The following GRIP1 variants were observed in gnomAD, a reference collection of about 807,000 sequenced individuals.
GRIP1 encodes the protein glutamate receptor interacting protein 1.
A neutral mutation model predicts 129.9 loss-of-function variants in GRIP1; 45 were observed. The ratio of observed to expected loss-of-function variants is 0.35; its 90% confidence interval spans 0.27 to 0.44. The LOEUF is 0.44. GRIP1 is among the 20% of genes least tolerant of loss of function. GRIP1 has a pLI of 1.00. For missense variants in GRIP1, 1,196 were observed against 1,396.8 expected, an observed-to-expected ratio of 0.86 and a Z score of 2.29; for synonymous variants, 530 against 520.8, an observed-to-expected ratio of 1.02 and a Z score of -0.24.
rs536985249 is a variant in GRIP1 at position 66,938,730 on chromosome 12, G to A, written c.58+130320C>T. Among the ~76,000 whole-genome samples, 11 of 151,832 alleles carry A rather than the reference G, an allele frequency of 7.2e-5. No individual in the cohort carries two copies. In the East Asian group the frequency reaches 9.8e-4, roughly 14 times the overall value. ...TCCCAGCACTTTGGGAGGCCAAGGC[G>A]GGCAGATCACCAGGTCAGGAGATCA... is the stretch of plus-strand genomic sequence containing the variant. On this transcript the variant is annotated intron_variant, in intron 1 of 1. Coordinates refer to the GRIP1 transcript ENST00000643019.
In GRIP1 at chr12:66,444,727, C is replaced by T; in HGVS notation, c.1544G>A (p.Cys515Tyr). The T allele has an allele frequency of 6.2e-7, 1 of 1,614,050 alleles. No homozygotes were observed. The highest frequency in any genetic ancestry group is 8.5e-7 in the Non-Finnish European group (1 of 1,179,926). Residue 515 changes from cysteine to tyrosine, a missense_variant and splice_region_variant, in exon 13 of 25, where the codon TGT becomes TAT. Transcript: ENST00000359742. The stretch of plus-strand genomic sequence containing the variant: ...TCTGTCTCCAATCTGTAGCACCCCA[C>T]ATCTAATTTAGAACCACATGTGAGA... ...YIEADSPAER[C>Y]GVLQIGDRVM... is the part of the protein sequence containing the mutation.
intron 1 of GRIP1, among the ~76,000 whole-genome samples, chr12:66,800,637 T>A (rs1163463299): frequency 6.6e-6 from 1 of 152,106 alleles, no homozygotes; most frequent in Non-Finnish European, 1.5e-5. Flanking sequence ...AATTAACATA[T>A]GACCTGCCAG....
intron 1 of GRIP1, among the ~76,000 whole-genome samples, chr12:67,052,947 T>G (rs58506035): frequency 6.6e-6 from 1 of 152,292 alleles, no homozygotes; most frequent in East Asian, 1.9e-4. Flanking sequence ...ATTCAGATTC[T>G]TAAAGCCCAA....
intron 3 of GRIP1, among the ~76,000 whole-genome samples, chr12:66,540,443 A>G (rs1277083251): frequency 3.3e-5 from 5 of 152,148 alleles, no homozygotes; most frequent in Admixed American, 3.3e-4. Flanking sequence ...GAAGCTCTGG[A>G]GACTTATGAA....
At chr12:66,920,288 C>A (rs2041191439) in intron 1 of GRIP1, among the ~76,000 whole-genome samples, 1 of 152,122 alleles carries the variant, frequency 6.6e-6, no homozygotes, top group Non-Finnish European at 1.5e-5. Flanking sequence ...TCTGTACTTC[C>A]TCGTGCTTTT....
chr12:66,730,265 C>A (rs920378437), intron 1 of GRIP1, among the ~76,000 whole-genome samples: 6 of 152,296 alleles, frequency 3.9e-5, no homozygotes, highest in South Asian at 2.1e-4. Flanking sequence ...TCATAAACAG[C>A]TCCACCACTC....
At chr12:67,033,181 T>C (rs2043047360) in intron 1 of GRIP1, among the ~76,000 whole-genome samples, 1 of 151,562 alleles carries the variant, frequency 6.6e-6, no homozygotes, top group Admixed American at 6.6e-5. Flanking sequence ...TAGCTATATA[T>C]AATCAAACAT....
chr12:66,984,642 T>C (rs1393177919), intron 1 of GRIP1, among the ~76,000 whole-genome samples: 4 of 152,300 alleles, frequency 2.6e-5, no homozygotes, highest in African/African-American at 7.2e-5. Flanking sequence ...GAGAGCTGTG[T>C]AGATAGTCTC....
chr12:66,564,248 G>T (rs887084383), intron 2 of GRIP1: 3 of 150,906 alleles, frequency 2.0e-5, no homozygotes, highest in African/African-American at 4.9e-5. Context: ...TTTACATTAG[G>T]TATTTCTCCT....
chr12:66,686,966 G>A (rs1038492312), intron 1 of GRIP1, among the ~76,000 whole-genome samples: 3 of 152,168 alleles, frequency 2.0e-5, no homozygotes, highest in Non-Finnish European at 4.4e-5. Flanking sequence ...GGAGGCAGAG[G>A]TGGGAGGATT....
At chr12:66,745,276 T>C (rs2036909776) in intron 1 of GRIP1, among the ~76,000 whole-genome samples, 3 of 152,178 alleles carry the variant, frequency 2.0e-5, no homozygotes. Flanking sequence ...ATTATTCATA[T>C]AGAGAACAGA....
At position 66,448,654 on chromosome 12, in the gene GRIP1, C is replaced by A. The variant is rs142295466; in HGVS notation, c.1355-3146G>T. Among the ~76,000 whole-genome samples, 38 of 152,254 alleles carry A rather than the reference C, an allele frequency of 2.5e-4. No homozygotes were observed. In the East Asian group the frequency reaches 5.6e-3, roughly 22 times the overall value. ...TCCCATCCACAAACTGTCTCATTGGCTCCTCAAACTCAATGTTTTCAAAAC... is the reference window on the plus strand; with the variant it reads ...TCCCATCCACAAACTGTCTCATTGGATCCTCAAACTCAATGTTTTCAAAAC... On this transcript the variant is annotated intron_variant, in intron 11 of 24. Transcript: ENST00000359742.
At chr12:66,444,836 G>A (rs1337148343) in intron 12 of GRIP1, 107 bp from the exon 13 acceptor site, 1 of 1,203,426 alleles carries the variant, frequency 8.3e-7, no homozygotes, top group East Asian at 2.3e-5. Flanking sequence ...TCATAATTTG[G>A]TCTTGCTTAT....
At chr12:66,605,156 ATGT>A (rs1243896303) in intron 1 of GRIP1, among the ~76,000 whole-genome samples, 2 of 152,024 alleles carry the variant, frequency 1.3e-5, no homozygotes, top group African/African-American at 2.4e-5. Flanking sequence ...TCAAGAAAGA[ATGT>A]TTAAAATGTT....
intron 16 of GRIP1, among the ~76,000 whole-genome samples, chr12:66,396,762 A>C (rs904645087): frequency 1.3e-5 from 2 of 152,142 alleles, no homozygotes; most frequent in Admixed American, 6.5e-5. Flanking sequence ...TTATGACAGA[A>C]ATGGAAGCTG....
At chr12:66,815,104 T>C (rs185681920) in intron 1 of GRIP1, among the ~76,000 whole-genome samples, 175 of 152,302 alleles carry the variant, frequency 1.1e-3, no homozygotes, top group South Asian at 3.3e-3. Flanking sequence ...TTTATATGCA[T>C]ATAGGAAGCG....
intron 1 of GRIP1, among the ~76,000 whole-genome samples, chr12:66,913,657 A>T (rs552843576): frequency 4.6e-5 from 7 of 152,312 alleles, no homozygotes; most frequent in Admixed American, 4.6e-4. Flanking sequence ...TGCTCTTTAA[A>T]ATAATAATGT....
intron 1 of GRIP1, among the ~76,000 whole-genome samples, chr12:66,792,109 G>GT (rs2038556635): frequency 6.6e-6 from 1 of 152,144 alleles, no homozygotes; most frequent in African/African-American, 2.4e-5. Context: ...CCTGATAAAT[G>GT]TAAGAGCTAC....
At chr12:66,493,885 A>C (rs2060169180) in intron 7 of GRIP1, among the ~76,000 whole-genome samples, 1 of 152,162 alleles carries the variant, frequency 6.6e-6, no homozygotes, top group Non-Finnish European at 1.5e-5. Flanking sequence ...TGGGCTGCTT[A>C]TTCCTCTCCT....
Sources: gnomAD v4.1 joint callset for allele counts (sites outside exome capture counted in the v4.1 genomes callset) on GRCh38, gnomAD v4.1.1 for gene constraint, MANE v1.5 for transcripts, NCBI Gene and HGNC (gene_info 2026-07-23, HGNC 2026-07-21) for gene names.